Variants in YWHAZ observed in about 807,000 individuals in gnomAD.
YWHAZ encodes the protein tyrosine 3-monooxygenase/tryptophan 5-monooxygenase activation protein zeta.
For missense variants in YWHAZ, 79 were observed against 284.8 expected, an observed-to-expected ratio of 0.28 and a Z score of 5.20; for synonymous variants, 87 against 103.6, an observed-to-expected ratio of 0.84 and a Z score of 0.97.
Position 100,948,399 on chromosome 8 carries a change from A to G in YWHAZ, c.294+197T>C, listed in dbSNP as rs1017975132. Among the ~76,000 whole-genome samples, 1 of 152,214 alleles carries G rather than the reference A, an allele frequency of 6.6e-6. No homozygotes were observed. The highest frequency in any genetic ancestry group is 2.4e-5 in the African/African-American group (1 of 41,440). ...AACAAAACTGAACTGTTTCATAATC[A>G]TTGTTGCAATTATTTTACATACACG... On this transcript the variant is annotated intron_variant, in intron 2 of 5. Coordinates refer to ENST00000395958, the MANE Select transcript of YWHAZ (RefSeq NM_145690.3). The surrounding 1 kb of genome is among the most constrained non-coding windows in gnomAD (Gnocchi z 4.2).
chr8:100,952,888 C>G (rs796404577), upstream of YWHAZ: 2 of 1,000,356 alleles, frequency 2.0e-6, no homozygotes, highest in Non-Finnish European at 2.4e-6. Flanking sequence ...CCTTTTATGG[C>G]TCGGAAACGG....
chr8:100,938,508 C>T (rs2130263743), intron 2 of YWHAZ, among the ~76,000 whole-genome samples: 1 of 152,192 alleles, frequency 6.6e-6, no homozygotes, highest in African/African-American at 2.4e-5. Context: ...CAAAAATACC[C>T]CACAAATGTC....
chr8:100,921,304 C>T (rs1184730450), intron 5 of YWHAZ, among the ~76,000 whole-genome samples: 2 of 152,184 alleles, frequency 1.3e-5, no homozygotes, highest in East Asian at 3.8e-4. Context: ...GGTGAGATTA[C>T]AGGTGTGAGC....
intron 1 of YWHAZ, 70 bp downstream of exon 1, chr8:100,951,859 A>C (rs1168605856): frequency 1.0e-6 from 1 of 987,280 alleles, no homozygotes; most frequent in East Asian, 1.1e-4. Context: ...CGGAGCGAGG[A>C]CGGCTCCCAC....
intron 2 of YWHAZ, among the ~76,000 whole-genome samples, chr8:100,934,276 T>G (rs946319374): frequency 5.4e-5 from 8 of 148,946 alleles, no homozygotes; most frequent in African/African-American, 1.5e-4. Context: ...ATGGCTGCAG[T>G]GAGTGCACCA....
rs549486698 is a variant in YWHAZ, at chr8:100,942,997, T to C, written c.294+5599A>G. 4.6e-5 allele frequency among the ~76,000 whole-genome samples: 7 copies of C among 152,332 alleles called. No homozygotes were observed. In the South Asian group the frequency reaches 1.4e-3, roughly 32 times the overall value. ...CTTTTCTGAGTATAATCCTGGGAACTATACAATTCAGCGTGAATGTAAAGG... is the reference window on the plus strand; with the variant it reads ...CTTTTCTGAGTATAATCCTGGGAACCATACAATTCAGCGTGAATGTAAAGG... On this transcript the variant is annotated intron_variant, in intron 2 of 5. Coordinates refer to ENST00000395958, the MANE Select transcript of YWHAZ (RefSeq NM_145690.3).
rs928984452 is a variant in YWHAZ, at chr8:100,952,009, TGA to T, written c.-94_-93del. ...GCGGCGGCGGCAGCAGCGGCGAGGC[TGA>T]GACTCTGTCCCTGGATCTCGCTGCT... On this transcript the variant is annotated 5_prime_UTR_variant, in exon 1 of 6. Transcript: ENST00000395958. 3.2e-4 allele frequency: 323 copies of T among 1,001,460 alleles called. No individual in the cohort carries two copies. Among genetic ancestry groups the T allele is most frequent in the Non-Finnish European group, 3.7e-4 (309 of 841,326 alleles). The allele number at this position is 1,001,460 out of a possible 1,614,324, so 62.0% of individuals were successfully genotyped here.
chr8:100,927,014 T>C (rs1813411099), intron 2 of YWHAZ, among the ~76,000 whole-genome samples: 1 of 152,238 alleles, frequency 6.6e-6, no homozygotes, highest in African/African-American at 2.4e-5. Flanking sequence ...TGTGAACTAC[T>C]TAATCTCAAT....
At chr8:100,943,985 T>C (rs1489893101) in intron 2 of YWHAZ, among the ~76,000 whole-genome samples, 4 of 63,708 alleles carry the variant, frequency 6.3e-5, no homozygotes, top group African/African-American at 1.4e-4. Context: ...AGACTCCGTC[T>C]CAAAAAAAAA....
Position 100,930,180 on chromosome 8 carries a change from C to T in YWHAZ, c.295-5141G>A, listed in dbSNP as rs142353668. Among the ~76,000 whole-genome samples the T allele has an allele frequency of 9.5e-3, 1,454 of 152,304 alleles. 21 individuals are homozygous for T. Among genetic ancestry groups the T allele is most frequent in the African/African-American group, 0.032 (1,328 of 41,554 alleles). ...GTGGTGTGATCTTGGCTCACTGCAA[C>T]CTCAGCCTCCCCGGTTCAAGTGATT... On this transcript the variant is annotated intron_variant, in intron 2 of 5. Transcript: ENST00000395958.
At chr8:100,943,802 C>T (rs1355129040) in intron 2 of YWHAZ, among the ~76,000 whole-genome samples, 4 of 151,996 alleles carry the variant, frequency 2.6e-5, no homozygotes, top group African/African-American at 4.8e-5. Context: ...TTGGCTAACA[C>T]GGTGAAACCC....
At chr8:100,950,954 C>T (rs1220269869) in intron 1 of YWHAZ, 2 of 181,988 alleles carry the variant, frequency 1.1e-5, no homozygotes, top group Non-Finnish European at 2.1e-5. Flanking sequence ...GCGCAGGGAC[C>T]CTCCAGTTCT....
intron 1 of YWHAZ, chr8:100,950,531 A>G: frequency 1.0e-6 from 1 of 985,584 alleles, no homozygotes; most frequent in Non-Finnish European, 1.2e-6. Flanking sequence ...GCCACGGCTC[A>G]AGTCCCCGAC....
intron 2 of YWHAZ, among the ~76,000 whole-genome samples, chr8:100,931,321 T>C (rs1563675476): frequency 6.6e-6 from 1 of 152,222 alleles, no homozygotes; most frequent in South Asian, 2.1e-4. Flanking sequence ...ATCCCACTAA[T>C]ATGAATTTTA....
At chr8:100,945,021 C>A (rs1234697715) in intron 2 of YWHAZ, among the ~76,000 whole-genome samples, 1 of 152,200 alleles carries the variant, frequency 6.6e-6, no homozygotes, top group African/African-American at 2.4e-5. Context: ...CAATTTTTGG[C>A]TGCCATCTTT....
intron 2 of YWHAZ, among the ~76,000 whole-genome samples, chr8:100,944,394 G>A (rs1159719245): frequency 3.3e-5 from 5 of 152,136 alleles, no homozygotes; most frequent in African/African-American, 4.8e-5. Context: ...AAATAAAAAC[G>A]TAGAGCAGCA....
chr8:100,949,067 G>A (rs1810514317), intron 1 of YWHAZ, among the ~76,000 whole-genome samples, 167 bp from the exon 2 acceptor site: 1 of 152,068 alleles, frequency 6.6e-6, no homozygotes, highest in Non-Finnish European at 1.5e-5. Flanking sequence ...AGTCAAAAAA[G>A]GGAAAAAAAT....
rs1812748481 is a variant in YWHAZ, at chr8:100,917,374, T to C, written c.*3319A>G. 1 of 152,178 alleles carries C rather than the reference T, an allele frequency of 6.6e-6. No individual in the cohort carries two copies. The highest frequency in any genetic ancestry group is 1.5e-5 in the Non-Finnish European group (1 of 68,084). 9.4% of individuals were successfully genotyped at this position (152,178 alleles called of 1,614,324 possible). A position where few individuals can be genotyped will look rare whatever the true frequency, so the allele number is the denominator to read the frequency against. The stretch of plus-strand genomic sequence containing the variant: ...CAGGAAAGCCCATCGTTTTTACTAA[T>C]CACACTGCTGCTCCACTTTCTGAAG... On this transcript the variant is annotated 3_prime_UTR_variant, in exon 6 of 6. Coordinates refer to ENST00000395958, the MANE Select transcript of YWHAZ (RefSeq NM_145690.3).
chr8:100,925,127 TAA>T, intron 2 of YWHAZ, 88 bp from the exon 3 acceptor site: 1 of 1,400,918 alleles, frequency 7.1e-7, no homozygotes, highest in Non-Finnish European at 9.6e-7. Flanking sequence ...AACTATAGCC[TAA>T]GTTATAAAAC....
Sources: allele counts gnomAD v4.1 joint callset (sites outside exome capture counted in the v4.1 genomes callset), GRCh38; gene constraint gnomAD v4.1.1; non-coding constraint Gnocchi (gnomAD v3.1); transcripts MANE v1.5; gene names NCBI Gene and HGNC (gene_info 2026-07-23, HGNC 2026-07-21).